IQCH: variants seen among roughly 807,000 people sequenced by gnomAD.
IQCH encodes IQ motif containing H, also known as IQ domain-containing protein H.
IQCH carries 98 observed loss-of-function variants against 117.0 expected under a neutral mutation model. That is an observed-to-expected ratio of 0.84 (90% confidence interval 0.71 to 0.99). The LOEUF (loss-of-function observed/expected upper bound fraction) is 0.99. IQCH is among the 50% of genes least tolerant of loss of function. The probability of loss-of-function intolerance (pLI) is 0.00; values close to 1 mark genes in which losing one functional copy is unlikely to be tolerated. For missense variants in IQCH, 1,102 were observed against 1,243.8 expected (o/e 0.89, Z 1.72); for synonymous variants, 412 against 448.2 (o/e 0.92, Z 1.02).
intron 4 of IQCH, among the ~76,000 whole-genome samples, chr15:67,332,944 A>C (rs1968730318): frequency 6.6e-6 from 1 of 152,120 alleles, no homozygotes; most frequent in Admixed American, 6.5e-5. Flanking sequence ...AAATAACAGA[A>C]ATTTATTTCT....
At position 67,458,298 on chromosome 15, in the gene IQCH, G is replaced by A. The variant is rs2082706087; in HGVS notation, c.2506-6829G>A. The stretch of plus-strand genomic sequence containing the variant: ...TTCTTCCATTTTCTTCAGGGTGGAA[G>A]TTTTGGAGACACCTTTGGCTCCTTT... On this transcript the variant is annotated intron_variant, in intron 16 of 20. Coordinates refer to ENST00000335894, the MANE Select transcript of IQCH (RefSeq NM_001031715.3). This position sits in a 1 kb window ranked among gnomAD's most constrained non-coding sequence, Gnocchi z 4.1. Among the ~76,000 whole-genome samples the A allele has an allele frequency of 1.3e-5, 2 of 152,242 alleles. No homozygotes were observed. The highest frequency in any genetic ancestry group is 4.1e-4 in the South Asian group (2 of 4,830).
At chr15:67,266,872 A>G (rs796729722) in intron 3 of IQCH, among the ~76,000 whole-genome samples, 2 of 152,124 alleles carry the variant, frequency 1.3e-5, no homozygotes, top group Non-Finnish European at 1.5e-5. Flanking sequence ...AAAAATGTCA[A>G]CTCTCATTTT....
chr15:67,331,607 AAG>A (rs1469330405), intron 4 of IQCH, among the ~76,000 whole-genome samples: 1 of 152,206 alleles, frequency 6.6e-6, no homozygotes. Context: ...AACTATAAGA[AAG>A]AAATCCAAAA....
rs1971149425 is a variant in IQCH, at chr15:67,387,622, G to A, written c.1457-1209G>A. On this transcript the variant is annotated intron_variant, in intron 11 of 20. Coordinates refer to ENST00000335894, the MANE Select transcript of IQCH (RefSeq NM_001031715.3). The surrounding 1 kb of genome is among the most constrained non-coding windows in gnomAD (Gnocchi z 4.8). ...GCAGCTGGGGAATCACTGTTGGCCAGCCTAGTCAGGGTGGGCCAGGAGCAC... is the reference window on the plus strand; with the variant it reads ...GCAGCTGGGGAATCACTGTTGGCCAACCTAGTCAGGGTGGGCCAGGAGCAC... Among the ~76,000 whole-genome samples, 2 of 152,110 alleles carry A rather than the reference G, an allele frequency of 1.3e-5. No individual in the cohort carries two copies. The highest frequency in any genetic ancestry group is 2.9e-5 in the Non-Finnish European group (2 of 68,016).
intron 4 of IQCH, among the ~76,000 whole-genome samples, chr15:67,298,536 C>T (rs12595533): frequency 0.077 from 11,677 of 152,000 alleles, 1,154 homozygotes; most frequent in East Asian, 0.46. Context: ...TAAATTAATA[C>T]AACCACTATG....
chr15:67,486,150 C>G (rs2083473202), intron 18 of IQCH, among the ~76,000 whole-genome samples: 1 of 150,890 alleles, frequency 6.6e-6, no homozygotes, highest in Admixed American at 6.6e-5. Context: ...CCTACCTCAG[C>G]CTCCTGAGTA....
In IQCH at chr15:67,416,848, A is replaced by C; in HGVS notation, c.2098-83A>C. The C allele has an allele frequency of 7.8e-6, 9 of 1,157,292 alleles. No homozygotes were observed. Among genetic ancestry groups the C allele is most frequent in the African/African-American group, 1.6e-5 (1 of 62,624 alleles). 71.7% of individuals were successfully genotyped at this position (1,157,292 alleles called of 1,614,324 possible). A position where few individuals can be genotyped will look rare whatever the true frequency, so the allele number is the denominator to read the frequency against. On this transcript the variant is annotated intron_variant, in intron 14 of 20. Transcript: ENST00000335894. The surrounding 1 kb of genome is among the most constrained non-coding windows in gnomAD (Gnocchi z 5.1). ...TAACCACATTTTTTTTGCCTGTTGG[A>C]GGCCTGGTTTTTAATCACTCCACAA...
chr15:67,342,033 G>A lies in IQCH; in HGVS notation c.509-2030G>A, dbSNP rs541269690. On this transcript the variant is annotated intron_variant, in intron 5 of 20. Coordinates refer to ENST00000335894, the MANE Select transcript of IQCH (RefSeq NM_001031715.3). The surrounding 1 kb of genome is among the most constrained non-coding windows in gnomAD (Gnocchi z 4.7). ...CACCTATAATCTCAGCACCTTGGGA[G>A]GCCAAGGCAGGAAGATTGCTTGAAA... 2.2e-4 allele frequency among the ~76,000 whole-genome samples: 33 copies of A among 152,050 alleles called. No homozygotes were observed. The East Asian group carries it at 6.4e-3, about 29-fold the overall frequency.
Position 67,404,849 on chromosome 15 carries a change from C to T in IQCH, c.2097+4544C>T, listed in dbSNP as rs916648672. The T allele has an allele frequency of 1.1e-4, 17 of 152,134 alleles. 1 individual carries two copies. The highest frequency in any genetic ancestry group is 3.9e-4 in the Admixed American group (6 of 15,270). The allele number at this position is 152,134 out of a possible 1,614,324, so 9.4% of individuals were successfully genotyped here. A position where few individuals can be genotyped will look rare whatever the true frequency, so the allele number is the denominator to read the frequency against. ...TGTTTTTATATTTGGTTTTTGTATA[C>T]ACCTCTTTTTGCTTCTGTTGAGTTA... On this transcript the variant is annotated intron_variant, in intron 14 of 20. Coordinates refer to ENST00000335894, the MANE Select transcript of IQCH (RefSeq NM_001031715.3). This position sits in a 1 kb window ranked among gnomAD's most constrained non-coding sequence, Gnocchi z 4.6.
chr15:67,396,836 A>G (rs1198627789), intron 13 of IQCH, among the ~76,000 whole-genome samples: 1 of 152,256 alleles, frequency 6.6e-6, no homozygotes, highest in African/African-American at 2.4e-5. Context: ...TGCAGAGATT[A>G]GTTTGAAGAT....
In IQCH at chr15:67,474,157, A is replaced by G. The variant is rs1205066707; in HGVS notation, c.2677-1539A>G. On this transcript the variant is annotated intron_variant, in intron 17 of 20. Coordinates refer to ENST00000335894, the MANE Select transcript of IQCH (RefSeq NM_001031715.3). The surrounding 1 kb of genome is among the most constrained non-coding windows in gnomAD (Gnocchi z 4.1). ...AAAGGAGGTCTATTCTCTGCAGAGC[A>G]CTCAGTCAGCCCCAGTTCCCTTGCG... Among the ~76,000 whole-genome samples the G allele has an allele frequency of 6.6e-6, 1 of 151,438 alleles. No individual in the cohort carries two copies. The highest frequency in any genetic ancestry group is 1.5e-5 in the Non-Finnish European group (1 of 67,904).
chr15:67,427,618 T>C lies in IQCH; in HGVS notation c.2505+6041T>C, dbSNP rs916150287. ...TGAGGAGGTTAGCTTATTTTGCATC[T>C]GAGGTAACCTACAGTTCAAAACAGT... On this transcript the variant is annotated intron_variant, in intron 16 of 20. Transcript: ENST00000335894. This position sits in a 1 kb window ranked among gnomAD's most constrained non-coding sequence, Gnocchi z 4.7. Among the ~76,000 whole-genome samples, 3 of 152,190 alleles carry C rather than the reference T, an allele frequency of 2.0e-5. No individual in the cohort carries two copies. The highest frequency in any genetic ancestry group is 7.2e-5 in the African/African-American group (3 of 41,450).
intron 3 of IQCH, among the ~76,000 whole-genome samples, chr15:67,265,122 C>G (rs534759233): frequency 6.6e-6 from 1 of 152,252 alleles, no homozygotes; most frequent in South Asian, 2.1e-4. Context: ...TCTCTGTCTT[C>G]CTCTTTATCC....
Position 67,424,230 on chromosome 15 carries a change from AT to A in IQCH, c.2505+2654del, listed in dbSNP as rs1343848902. ...ATTCCCTCTACCACAGGGCCTAAAC[AT>A]GCTGTTCCTCCACCTTAAATGCTCT... On this transcript the variant is annotated intron_variant, in intron 16 of 20. Transcript: ENST00000335894. The surrounding 1 kb of genome is among the most constrained non-coding windows in gnomAD (Gnocchi z 4.9). Among the ~76,000 whole-genome samples, 1 of 152,140 alleles carries A rather than the reference AT, an allele frequency of 6.6e-6. No homozygotes were observed. The highest frequency in any genetic ancestry group is 1.5e-5 in the Non-Finnish European group (1 of 68,028).
rs1334435431 is a variant in IQCH, at chr15:67,342,746, CAGTAATTCTTA to C, written c.509-1313_509-1303del. Among the ~76,000 whole-genome samples the C allele has an allele frequency of 6.6e-6, 1 of 152,088 alleles. No individual in the cohort carries two copies. The highest frequency in any genetic ancestry group is 1.5e-5 in the Non-Finnish European group (1 of 68,020). On this transcript the variant is annotated intron_variant, in intron 5 of 20. Transcript: ENST00000335894. The surrounding 1 kb of genome is among the most constrained non-coding windows in gnomAD (Gnocchi z 4.7). The stretch of plus-strand genomic sequence containing the variant: ...GGTCCTAAAGTGTTATACTCTGGAT[CAGTAATTCTTA>C]AGTGTTAAGAGTACAAAAGATTAAC...
chr15:67,377,281 G>A (rs1315102280), intron 10 of IQCH, among the ~76,000 whole-genome samples: 1 of 152,008 alleles, frequency 6.6e-6, no homozygotes, highest in African/African-American at 2.4e-5. Context: ...GATTTGCCTT[G>A]TAATTTTATA....
intron 18 of IQCH, among the ~76,000 whole-genome samples, chr15:67,487,038 G>T (rs1352881521): frequency 6.6e-6 from 1 of 152,118 alleles, no homozygotes; most frequent in Non-Finnish European, 1.5e-5. Context: ...GAGCTTTAAA[G>T]AATGCAGATG....
chr15:67,304,594 T>G (rs748541117), intron 4 of IQCH: 5 of 469,982 alleles, frequency 1.1e-5, no homozygotes, highest in African/African-American at 2.0e-5. Flanking sequence ...ATGAAATGGC[T>G]CTCATTCTGT....
At chr15:67,483,959 A>G (rs535297216) in intron 18 of IQCH, among the ~76,000 whole-genome samples, 1 of 152,328 alleles carries the variant, frequency 6.6e-6, no homozygotes, top group African/African-American at 2.4e-5. Flanking sequence ...GTCCTGCTAA[A>G]TTGAAAGGGT....
Sources: allele counts gnomAD v4.1 joint callset (sites outside exome capture counted in the v4.1 genomes callset), GRCh38; gene constraint gnomAD v4.1.1; non-coding constraint Gnocchi (gnomAD v3.1); transcripts MANE v1.5; gene names NCBI Gene and HGNC (gene_info 2026-07-23, HGNC 2026-07-21).